The following SHTN1 variants were observed in gnomAD, a reference collection of about 807,000 sequenced individuals.
The protein encoded by SHTN1 is shootin-1.
A neutral mutation model predicts 83.1 loss-of-function variants in SHTN1; 42 were observed. The observed-to-expected ratio is 0.51, with a 90% CI of 0.39 to 0.65. SHTN1 has a LOEUF of 0.65. SHTN1 is among the 30% of genes least tolerant of loss of function. The pLI, the probability that SHTN1 is intolerant of heterozygous loss-of-function variation, is 0.00. For synonymous variants in SHTN1, 224 were observed against 247.7 expected, an observed-to-expected ratio of 0.90 and a Z score of 0.90; for missense variants, 622 against 737.8, an observed-to-expected ratio of 0.84 and a Z score of 1.82.
chr10:116,968,453 C>T (rs184487804), intron 3 of SHTN1, among the ~76,000 whole-genome samples, 199 bp downstream of exon 3: 114 of 152,288 alleles, frequency 7.5e-4, no homozygotes, highest in African/African-American at 2.7e-3. Flanking sequence ...TTTTCTAACA[C>T]CCTTGATGAA....
chr10:116,886,622 T>C, intron 16 of SHTN1, 56 bp from the exon 17 acceptor site: 1 of 1,600,980 alleles, frequency 6.2e-7, no homozygotes, highest in Middle Eastern at 1.7e-4. Flanking sequence ...AAAATAGTTG[T>C]CTCTGATATT....
At position 116,982,419 on chromosome 10, in the gene SHTN1, A is replaced by G. The variant is rs541588419; in HGVS notation, c.59-3111T>C. On this transcript the variant is annotated intron_variant, in intron 1 of 16. Transcript: ENST00000355371. Reference sequence around the variant, plus strand: ...TACCATAAACAACACATACACAGACATGCACACACATACACACACATATGT... The same window carrying G: ...TACCATAAACAACACATACACAGACGTGCACACACATACACACACATATGT... Among the ~76,000 whole-genome samples, 9 of 152,252 alleles carry G rather than the reference A, an allele frequency of 5.9e-5. No individual in the cohort carries two copies. The East Asian group carries it at 1.5e-3, about 26-fold the overall frequency.
intron 1 of SHTN1, among the ~76,000 whole-genome samples, chr10:116,983,517 T>C (rs1351934251): frequency 6.6e-6 from 1 of 152,098 alleles, no homozygotes; most frequent in Non-Finnish European, 1.5e-5. Flanking sequence ...AGAGCTGTAC[T>C]TGTCAATCCT....
intron 1 of SHTN1, among the ~76,000 whole-genome samples, chr10:117,068,358 C>G (rs937379928): frequency 2.6e-5 from 4 of 152,098 alleles, no homozygotes; most frequent in Non-Finnish European, 5.9e-5. Context: ...CCACTGCACT[C>G]CAGCCTGCAC....
At chr10:117,091,589 C>A (rs1167301627) in intron 1 of SHTN1, among the ~76,000 whole-genome samples, 2 of 152,192 alleles carry the variant, frequency 1.3e-5, no homozygotes, top group East Asian at 3.9e-4. Flanking sequence ...AGAATGCCAG[C>A]CCATTTCCAA....
chr10:116,958,494 T>G (rs1294181535), intron 4 of SHTN1, among the ~76,000 whole-genome samples: 1 of 152,174 alleles, frequency 6.6e-6, no homozygotes, highest in Non-Finnish European at 1.5e-5. Context: ...GCTTAGAGAT[T>G]AGGTAACACT....
chr10:117,025,127 G>A (rs1852312450), intron 2 of SHTN1, among the ~76,000 whole-genome samples: 2 of 152,110 alleles, frequency 1.3e-5, no homozygotes, highest in African/African-American at 4.8e-5. Context: ...GAACTCACAG[G>A]ACCTGGTTTT....
At chr10:116,929,312 T>C (rs1848863114) in intron 10 of SHTN1, among the ~76,000 whole-genome samples, 1 of 152,208 alleles carries the variant, frequency 6.6e-6, no homozygotes, top group Non-Finnish European at 1.5e-5. Context: ...AATCTTTTGA[T>C]TTAAGTATCC....
At chr10:116,900,676 G>A (rs1847698819) in intron 16 of SHTN1, 2 of 1,470,064 alleles carry the variant, frequency 1.4e-6, no homozygotes, top group African/African-American at 1.4e-5. Context: ...GTCAAATTAG[G>A]TGTTAAACAA....
rs538252450 is a variant in SHTN1, at chr10:117,117,515, T to G, written c.-189+8792A>C. Among the ~76,000 whole-genome samples, 4 of 152,302 alleles carry G rather than the reference T, an allele frequency of 2.6e-5. No individual in the cohort carries two copies. The South Asian group carries it at 8.3e-4, about 32-fold the overall frequency. ...AATCCCTATCAAAATACCAATGACA[T>G]TCTTCACAGACATAGAAAACAAAAA... On this transcript the variant is annotated intron_variant, in intron 1 of 17. Transcript: ENST00000392901.
intron 1 of SHTN1, among the ~76,000 whole-genome samples, chr10:117,097,187 T>C (rs1037416899): frequency 6.6e-6 from 1 of 152,254 alleles, no homozygotes; most frequent in African/African-American, 2.4e-5. Context: ...TTTCACTAGT[T>C]GAGACATTTG....
At chr10:116,935,284 T>C (rs1849114401) in intron 9 of SHTN1, among the ~76,000 whole-genome samples, 2 of 152,254 alleles carry the variant, frequency 1.3e-5, no homozygotes, top group South Asian at 4.1e-4. Context: ...TCATTCAGTA[T>C]GACATTGGCA....
intron 11 of SHTN1, 22 bp downstream of exon 11, chr10:116,927,770 C>G: frequency 6.6e-7 from 1 of 1,517,644 alleles, no homozygotes; most frequent in Non-Finnish European, 8.8e-7. Context: ...TGATGCAGAG[C>G]AGTCTTCCTG....
chr10:117,007,203 G>A (rs1423325018), upstream of SHTN1, among the ~76,000 whole-genome samples: 2 of 151,884 alleles, frequency 1.3e-5, no homozygotes, highest in African/African-American at 4.8e-5. Flanking sequence ...TGGACATTTA[G>A]CTTTTGTCCA....
chr10:117,000,244 G>C (rs1269477901), intron 1 of SHTN1, among the ~76,000 whole-genome samples: 2 of 152,124 alleles, frequency 1.3e-5, no homozygotes, highest in African/African-American at 4.8e-5. Flanking sequence ...CGTTTTCCCA[G>C]ACTGACGTGG....
chr10:117,063,186 T>C (rs1056527512), intron 1 of SHTN1, among the ~76,000 whole-genome samples: 17 of 152,192 alleles, frequency 1.1e-4, no homozygotes, highest in African/African-American at 4.8e-5. Flanking sequence ...CACACGATAA[T>C]ATCATGGCTA....
chr10:117,070,011 T>C (rs1054839986), intron 1 of SHTN1, among the ~76,000 whole-genome samples: 1 of 151,854 alleles, frequency 6.6e-6, no homozygotes, highest in Non-Finnish European at 1.5e-5. Context: ...ACTACGATGA[T>C]AGAAAAAGTA....
At position 116,983,280 on chromosome 10, in the gene SHTN1, C is replaced by T. The variant is rs144348868; in HGVS notation, c.59-3972G>A. 4.7e-3 allele frequency among the ~76,000 whole-genome samples: 720 copies of T among 152,062 alleles called. 11 individuals are homozygous for T. The highest frequency in any genetic ancestry group is 0.041 in the Admixed American group (628 of 15,258). On this transcript the variant is annotated intron_variant, in intron 1 of 16. Coordinates refer to ENST00000355371, the MANE Select transcript of SHTN1 (RefSeq NM_001127211.3). ...GTTAACATATAAAAGAGTATTTGGGCTTATTAACTGTTTAAAACATGTTAG... is the reference window on the plus strand; with the variant it reads ...GTTAACATATAAAAGAGTATTTGGGTTTATTAACTGTTTAAAACATGTTAG...
chr10:116,979,526 G>A (rs950087770), intron 1 of SHTN1, among the ~76,000 whole-genome samples: 1 of 152,162 alleles, frequency 6.6e-6, no homozygotes, highest in African/African-American at 2.4e-5. Context: ...GGGTTCAAAC[G>A]ATCCTCCTGC....
Sources: allele counts gnomAD v4.1 joint callset (sites outside exome capture counted in the v4.1 genomes callset), GRCh38; gene constraint gnomAD v4.1.1; transcripts MANE v1.5; gene names NCBI Gene and HGNC (gene_info 2026-07-23, HGNC 2026-07-21).